TNS1: variants seen among roughly 807,000 people sequenced by gnomAD.
The protein encoded by TNS1 is tensin 1, also known as tensin-1.
A neutral mutation model predicts 168.6 loss-of-function variants in TNS1; 62 were observed. That is an observed-to-expected ratio of 0.37 (90% confidence interval 0.30 to 0.45). The LOEUF is 0.45. Among genes scored for constraint, TNS1 ranks in the 20% least tolerant of loss-of-function variants. The pLI is 1.00. For synonymous variants in TNS1, 934 were observed against 933.2 expected (o/e 1.00, Z -0.02); for missense variants, 2,240 against 2,339.4 (o/e 0.96, Z 0.88).
chr2:218,028,248 C>A (rs760908842), intron 1 of TNS1, among the ~76,000 whole-genome samples: 2 of 152,220 alleles, frequency 1.3e-5, no homozygotes, highest in South Asian at 2.1e-4. Context: ...ACTCCACCCC[C>A]CATTCCCACA....
At chr2:217,831,080 T>C (rs1446454765) in intron 22 of TNS1, among the ~76,000 whole-genome samples, 1 of 151,994 alleles carries the variant, frequency 6.6e-6, no homozygotes, top group Non-Finnish European at 1.5e-5. Context: ...ACTCTATGTG[T>C]GTGTGTGTAC....
chr2:217,853,069 C>G (rs1015466826), intron 18 of TNS1, among the ~76,000 whole-genome samples: 1 of 152,108 alleles, frequency 6.6e-6, no homozygotes, highest in Non-Finnish European at 1.5e-5. Flanking sequence ...AGTCCCCCAG[C>G]CCCCACTCCG....
At chr2:217,950,563 A>C (rs1247199232) in intron 3 of TNS1, among the ~76,000 whole-genome samples, 1 of 150,002 alleles carries the variant, frequency 6.7e-6, no homozygotes, top group Non-Finnish European at 1.5e-5. Context: ...CTTGGCTCAC[A>C]TGTGCTGTCC....
At chr2:217,993,101 G>A (rs549942607) in intron 1 of TNS1, among the ~76,000 whole-genome samples, 2 of 152,112 alleles carry the variant, frequency 1.3e-5, no homozygotes, top group African/African-American at 2.4e-5. Context: ...ATTTTAGCCC[G>A]GGAGCTATAG....
rs1384503627 is a variant in TNS1 at position 217,822,373 on chromosome 2, C to T, written c.3374-435G>A. Among the ~76,000 whole-genome samples, 4 of 152,278 alleles carry T rather than the reference C, an allele frequency of 2.6e-5. 1 individual carries two copies. In the East Asian group the frequency reaches 7.7e-4, roughly 29 times the overall value. ...CCTTGCCTGTATCCCAGGATAGTGC[C>T]AGAGTTCATGTGAGCTCCACCCCCT... On this transcript the variant is annotated intron_variant, in intron 22 of 32. Coordinates refer to ENST00000682258, the MANE Select transcript of TNS1 (RefSeq NM_001387777.1).
Position 217,893,509 on chromosome 2 carries a change from C to A in TNS1, c.647G>T (p.Cys216Phe). The A allele has an allele frequency of 6.2e-7, 1 of 1,613,502 alleles. No homozygotes were observed. The highest frequency in any genetic ancestry group is 8.5e-7 in the Non-Finnish European group (1 of 1,179,796). ...DLHTPALEKI[C>F]SICKAMDTWL... ...TGTGTCCATGGCCTTACAGATGCTG[C>A]AGATCTTCTCCAGGGCTGGGGTGTG... The change falls in exon 10 of 33, where the codon TGC (cysteine) becomes TTC (phenylalanine). Residue 216 changes from cysteine to phenylalanine, a missense_variant. Cys to Phe is a radical substitution (Grantham distance 205). Coordinates refer to ENST00000682258, the MANE Select transcript of TNS1 (RefSeq NM_001387777.1).
At chr2:217,894,953 G>C (rs1185806083) in intron 9 of TNS1, 53 bp downstream of exon 9, 2 of 1,540,844 alleles carry the variant, frequency 1.3e-6, no homozygotes, top group African/African-American at 2.7e-5. Flanking sequence ...TCCAGAGAGG[G>C]AGTCCATCTG....
chr2:217,856,341 C>T (rs1035353599), intron 18 of TNS1, among the ~76,000 whole-genome samples: 6 of 152,178 alleles, frequency 3.9e-5, no homozygotes, highest in South Asian at 2.1e-4. Context: ...AGGAAGACCC[C>T]GACCTCCTGA....
At chr2:217,820,850 T>C (rs1942743183) in intron 23 of TNS1, among the ~76,000 whole-genome samples, 1 of 152,066 alleles carries the variant, frequency 6.6e-6, no homozygotes, top group Non-Finnish European at 1.5e-5. Flanking sequence ...TGGGCTTTCA[T>C]CTCTGTGTGA....
intron 1 of TNS1, among the ~76,000 whole-genome samples, chr2:218,008,442 C>T (rs1958679147): frequency 6.6e-6 from 1 of 152,188 alleles, no homozygotes; most frequent in Non-Finnish European, 1.5e-5. Flanking sequence ...TGACCTGGTC[C>T]TGGCCGGCCA....
intron 4 of TNS1, among the ~76,000 whole-genome samples, chr2:217,913,845 C>T (rs1344627402): frequency 6.6e-6 from 1 of 152,160 alleles, no homozygotes; most frequent in Admixed American, 6.5e-5. Flanking sequence ...CTCATCCCTG[C>T]CCCCATTCCT....
intron 19 of TNS1, among the ~76,000 whole-genome samples, chr2:217,840,326 A>T (rs1351815418): frequency 6.6e-6 from 1 of 152,226 alleles, no homozygotes; most frequent in East Asian, 1.9e-4. Flanking sequence ...TGCGTGTCCC[A>T]GAGGCCAGGG....
In TNS1 at chr2:217,836,060, C is replaced by A; in HGVS notation, c.3159G>T (p.Glu1053Asp). ...VRSPVQCVSP[E>D]LALTIALNPG... ...GATTGAGAGCGATGGTAAGAGCCAG[C>A]TCCGGGGAGACACACTGGACAGGGG... The change falls in exon 20 of 33, where the codon GAG becomes GAT. Residue 1053 changes from glutamate to aspartate, a missense_variant. By Grantham distance (45) the Glu-to-Asp change is conservative. Around this residue, in one of 2 missense-constraint regions of TNS1, gnomAD observed 2,131 missense variants for 2,171.2 expected, o/e 0.98. Transcript: ENST00000682258. The A allele has an allele frequency of 6.2e-7, 1 of 1,614,066 alleles. No homozygotes were observed. The highest frequency in any genetic ancestry group is 8.5e-7 in the Non-Finnish European group (1 of 1,179,968).
At chr2:217,892,591 C>T (rs1304126196) in intron 11 of TNS1, among the ~76,000 whole-genome samples, 2 of 152,306 alleles carry the variant, frequency 1.3e-5, no homozygotes, top group Non-Finnish European at 2.9e-5. Flanking sequence ...TTGCCAGACC[C>T]AGATCTGATC....
intron 4 of TNS1, among the ~76,000 whole-genome samples, chr2:217,910,981 G>A (rs1954339299): frequency 6.6e-6 from 1 of 152,098 alleles, no homozygotes; most frequent in African/African-American, 2.4e-5. Context: ...TTGGCCCCCA[G>A]CCATCCTGCT....
chr2:217,961,252 C>G (rs1349409505), intron 3 of TNS1, among the ~76,000 whole-genome samples: 5 of 141,772 alleles, frequency 3.5e-5, no homozygotes, highest in Admixed American at 1.4e-4. Context: ...CACACACACA[C>G]ACACACACAG....
chr2:217,877,326 G>A (rs923308984), intron 18 of TNS1, among the ~76,000 whole-genome samples: 18 of 152,324 alleles, frequency 1.2e-4, no homozygotes, highest in African/African-American at 2.9e-4. Flanking sequence ...TGGGTTCCGG[G>A]GTGCTGTTAA....
intron 18 of TNS1, among the ~76,000 whole-genome samples, chr2:217,873,962 G>A (rs375504865): frequency 6.6e-6 from 1 of 151,580 alleles, no homozygotes; most frequent in African/African-American, 2.4e-5. Flanking sequence ...TGTAAGTCAG[G>A]AAAACAGAAA....
intron 3 of TNS1, among the ~76,000 whole-genome samples, chr2:217,937,527 G>A (rs1180792640): frequency 6.6e-6 from 1 of 152,070 alleles, no homozygotes; most frequent in South Asian, 2.1e-4. Context: ...GCCATTTCTG[G>A]GAGTCTCAGC....
Sources: allele counts gnomAD v4.1 joint callset (sites outside exome capture counted in the v4.1 genomes callset), GRCh38; gene constraint gnomAD v4.1.1; regional missense constraint gnomAD v4.1.1; transcripts MANE v1.5; gene names NCBI Gene and HGNC (gene_info 2026-07-23, HGNC 2026-07-21).